FAF1: variants seen among roughly 807,000 people sequenced by gnomAD.
FAF1 encodes Fas associated factor 1.
A neutral mutation model predicts 92.5 loss-of-function variants in FAF1; 25 were observed. The observed-to-expected ratio is 0.27, with a 90% CI of 0.20 to 0.38. The LOEUF is 0.38. Ranked by LOEUF, FAF1 falls within the 10% of genes least tolerant of loss-of-function variation. The pLI, the probability that FAF1 is intolerant of heterozygous loss-of-function variation, is 1.00. For synonymous variants in FAF1, 234 were observed against 273.2 expected, an observed-to-expected ratio of 0.86 and a Z score of 1.42; for missense variants, 636 against 793.3, an observed-to-expected ratio of 0.80 and a Z score of 2.38.
chr1:50,608,164 G>C (rs1557432754), intron 8 of FAF1, among the ~76,000 whole-genome samples: 1 of 152,328 alleles, frequency 6.6e-6, no homozygotes, highest in East Asian at 1.9e-4. Flanking sequence ...CTAGGAAAAG[G>C]GGGATAACTT....
intron 1 of FAF1, among the ~76,000 whole-genome samples, chr1:50,914,273 A>C (rs57183177): frequency 6.6e-6 from 1 of 152,178 alleles, no homozygotes; most frequent in Admixed American, 6.5e-5. Context: ...CAAATACACC[A>C]AAGAGGAAAT....
chr1:50,763,100 CA>C (rs933143501), intron 4 of FAF1, among the ~76,000 whole-genome samples: 3 of 151,800 alleles, frequency 2.0e-5, no homozygotes, highest in African/African-American at 7.3e-5. Flanking sequence ...ACTAAAAATA[CA>C]AAAAAATTAG....
At chr1:50,761,044 A>T (rs565532254) in intron 4 of FAF1, among the ~76,000 whole-genome samples, 21 of 152,362 alleles carry the variant, frequency 1.4e-4, no homozygotes, top group Admixed American at 5.9e-4. Context: ...CTACCATCAG[A>T]GAATACTACA....
chr1:50,614,824 AG>A (rs528607683), intron 8 of FAF1, among the ~76,000 whole-genome samples: 184 of 149,748 alleles, frequency 1.2e-3, no homozygotes, highest in African/African-American at 4.4e-3. Context: ...GGGCCGCAAC[AG>A]CGAAACTCCG....
chr1:50,531,665 A>C (rs57446850), intron 15 of FAF1, among the ~76,000 whole-genome samples: 1,901 of 152,226 alleles, frequency 0.012, 32 homozygotes, highest in African/African-American at 0.044. Context: ...AAATACTACT[A>C]ATGAAAATGT....
chr1:50,761,523 G>C (rs1454444100), intron 4 of FAF1, among the ~76,000 whole-genome samples: 1 of 152,010 alleles, frequency 6.6e-6, no homozygotes, highest in Non-Finnish European at 1.5e-5. Flanking sequence ...GGGATGCAAG[G>C]CTGGTTCAAT....
At chr1:50,666,059 C>T (rs2124326132) in intron 7 of FAF1, among the ~76,000 whole-genome samples, 1 of 151,614 alleles carries the variant, frequency 6.6e-6, no homozygotes, top group East Asian at 2.0e-4. Context: ...TCCTGTAATC[C>T]CAGCTACTCA....
intron 18 of FAF1, among the ~76,000 whole-genome samples, chr1:50,447,055 C>A (rs1646235391): frequency 6.6e-6 from 1 of 150,442 alleles, no homozygotes; most frequent in Non-Finnish European, 1.5e-5. Context: ...GAGTTACAGG[C>A]TTTAGGTTCA....
chr1:50,606,580 A>G (rs1180103899), intron 8 of FAF1, among the ~76,000 whole-genome samples: 1 of 139,064 alleles, frequency 7.2e-6, no homozygotes, highest in Admixed American at 7.9e-5. Flanking sequence ...GCTCACCACA[A>G]CCTCCGCCTC....
intron 8 of FAF1, among the ~76,000 whole-genome samples, chr1:50,628,906 T>C (rs1416772468): frequency 6.6e-6 from 1 of 152,158 alleles, no homozygotes; most frequent in Non-Finnish European, 1.5e-5. Context: ...AGGCCATTCT[T>C]TGGGGGTTCA....
intron 15 of FAF1, among the ~76,000 whole-genome samples, chr1:50,520,587 C>A (rs1647448123): frequency 6.6e-6 from 1 of 152,200 alleles, no homozygotes; most frequent in African/African-American, 2.4e-5. Flanking sequence ...GGGCTCGCTC[C>A]TGTAATCCCA....
intron 1 of FAF1, among the ~76,000 whole-genome samples, chr1:50,863,678 T>C (rs1327601880): frequency 6.6e-6 from 1 of 152,094 alleles, no homozygotes; most frequent in Non-Finnish European, 1.5e-5. Flanking sequence ...TTTGGTTGTG[T>C]CTCTGCCCGG....
intron 18 of FAF1, chr1:50,452,322 G>C: frequency 2.5e-6 from 1 of 393,340 alleles, no homozygotes; most frequent in South Asian, 2.2e-5. Context: ...AGTGTGGCAA[G>C]ATAAACCTAA....
intron 1 of FAF1, among the ~76,000 whole-genome samples, chr1:50,926,294 C>G (rs1473673803): frequency 6.6e-6 from 1 of 151,972 alleles, no homozygotes; most frequent in Admixed American, 6.6e-5. Flanking sequence ...CATGGATAAG[C>G]CTGGAGGATA....
chr1:50,466,904 G>A (rs1557956854), intron 18 of FAF1, among the ~76,000 whole-genome samples: 1 of 152,156 alleles, frequency 6.6e-6, no homozygotes, highest in Non-Finnish European at 1.5e-5. Context: ...TGCCCTAGCT[G>A]GTGGAGAATG....
At chr1:50,851,219 CACAG>C (rs1323628194) in intron 2 of FAF1, among the ~76,000 whole-genome samples, 2 of 151,848 alleles carry the variant, frequency 1.3e-5, no homozygotes, top group Non-Finnish European at 2.9e-5. Context: ...TAGCTGGGAC[CACAG>C]GCATGCGCCA....
chr1:50,635,494 T>C (rs1467559036), intron 8 of FAF1, among the ~76,000 whole-genome samples: 3 of 152,192 alleles, frequency 2.0e-5, no homozygotes, highest in Admixed American at 6.5e-5. Flanking sequence ...GTCATGATCA[T>C]GGCTCACTGA....
intron 8 of FAF1, among the ~76,000 whole-genome samples, chr1:50,612,935 T>C (rs962194193): frequency 1.3e-5 from 2 of 152,212 alleles, no homozygotes; most frequent in Non-Finnish European, 2.9e-5. Context: ...ACAACTTTCA[T>C]TGTATCTGTG....
At chr1:50,535,168 A>C (rs995374279) in intron 15 of FAF1, among the ~76,000 whole-genome samples, 1 of 152,182 alleles carries the variant, frequency 6.6e-6, no homozygotes, top group African/African-American at 2.4e-5. Flanking sequence ...ACATAAATTA[A>C]AACAAATTAT....
Sources: allele counts gnomAD v4.1 joint callset (sites outside exome capture counted in the v4.1 genomes callset), GRCh38; gene constraint gnomAD v4.1.1; transcripts MANE v1.5; gene names NCBI Gene and HGNC (gene_info 2026-07-23, HGNC 2026-07-21).